The following ASTN2 variants were observed in gnomAD, a reference collection of about 807,000 sequenced individuals.
ASTN2 encodes astrotactin-2.
ASTN2 carries 54 observed loss-of-function variants against 139.8 expected under a neutral mutation model. The ratio of observed to expected loss-of-function variants is 0.39; its 90% confidence interval spans 0.31 to 0.48. ASTN2 has a LOEUF of 0.48. ASTN2 is among the 20% of genes least tolerant of loss of function. The pLI is 0.95. For synonymous variants in ASTN2, 756 were observed against 719.5 expected (o/e 1.05, Z -0.81); for missense variants, 1,565 against 1,725.1 (o/e 0.91, Z 1.64).
At chr9:117,249,591 A>G (rs1388572809) in intron 2 of ASTN2, among the ~76,000 whole-genome samples, 1 of 152,122 alleles carries the variant, frequency 6.6e-6, no homozygotes, top group Admixed American at 6.6e-5. Flanking sequence ...AAGGCCATGC[A>G]TGTGGTTCCT....
intron 1 of ASTN2, among the ~76,000 whole-genome samples, chr9:117,293,243 G>A (rs913528844): frequency 2.6e-5 from 4 of 152,060 alleles, no homozygotes; most frequent in African/African-American, 9.7e-5. Context: ...ATGGGACAAG[G>A]CGTCATGCTG....
intron 1 of ASTN2, among the ~76,000 whole-genome samples, chr9:117,303,963 T>G (rs1415046466): frequency 6.6e-6 from 1 of 152,168 alleles, no homozygotes; most frequent in East Asian, 1.9e-4. Context: ...GAGATTAGCT[T>G]GATGGAGGCA....
rs113546429 is a variant in ASTN2 at position 117,334,727 on chromosome 9, A to G, written c.443-43214T>C. 9.7e-3 allele frequency among the ~76,000 whole-genome samples: 1,474 copies of G among 152,000 alleles called. 27 individuals are homozygous for G. Among genetic ancestry groups the G allele is most frequent in the African/African-American group, 0.034 (1,400 of 41,452 alleles). On this transcript the variant is annotated intron_variant, in intron 1 of 22. Transcript: ENST00000313400. ...TTTTTCAAGTTTTAGCCCAATTACC[A>G]CTTCCTGGAAGTTTTCCTGATGATT...
Position 116,698,115 on chromosome 9 carries a change from G to C in ASTN2, c.2806+27656C>G. ...TTTGGTGTTATGTGAGCCCTGCCGG[G>C]AGGCAGACCATCAGCCTCCTGGCCA... On this transcript the variant is annotated intron_variant, in intron 16 of 22. Coordinates refer to ENST00000313400, the MANE Select transcript of ASTN2 (RefSeq NM_001365068.1). This position sits in a 1 kb window ranked among gnomAD's most constrained non-coding sequence, Gnocchi z 4.4. 2 of 1,614,118 alleles carry C rather than the reference G, an allele frequency of 1.2e-6. No homozygotes were observed. The highest frequency in any genetic ancestry group is 1.7e-6 in the Non-Finnish European group (2 of 1,180,044).
chr9:117,008,984 C>G (rs1837437746), intron 6 of ASTN2, among the ~76,000 whole-genome samples: 1 of 152,096 alleles, frequency 6.6e-6, no homozygotes, highest in Non-Finnish European at 1.5e-5. Flanking sequence ...AGGAAAAGAG[C>G]AGCACTCACC....
intron 19 of ASTN2, among the ~76,000 whole-genome samples, chr9:116,539,178 G>C (rs1316546644): frequency 6.6e-6 from 1 of 152,148 alleles, no homozygotes; most frequent in Non-Finnish European, 1.5e-5. Flanking sequence ...TGGTTGCATA[G>C]GGTTGAGGAA....
chr9:117,354,547 C>A (rs187905007), intron 1 of ASTN2, among the ~76,000 whole-genome samples: 62 of 152,338 alleles, frequency 4.1e-4, no homozygotes, highest in Admixed American at 1.6e-3. Context: ...CACCCATGCA[C>A]TGAGTAAGTA....
intron 16 of ASTN2, among the ~76,000 whole-genome samples, chr9:116,704,950 T>A (rs897146164): frequency 2.3e-4 from 35 of 152,002 alleles, no homozygotes; most frequent in Admixed American, 2.3e-3. Context: ...AGAGATGAAA[T>A]TTTTTTTAAA....
chr9:116,906,313 T>A (rs190849028), intron 10 of ASTN2, among the ~76,000 whole-genome samples: 22 of 152,284 alleles, frequency 1.4e-4, no homozygotes, highest in Non-Finnish European at 2.1e-4. Context: ...ACCTTTTTGT[T>A]CAATGTTAGG....
chr9:116,964,016 T>C (rs546127246), intron 10 of ASTN2, among the ~76,000 whole-genome samples: 18 of 152,238 alleles, frequency 1.2e-4, no homozygotes, highest in Non-Finnish European at 2.1e-4. Context: ...CTTGTTGCTT[T>C]TCTGGAACTT....
At chr9:117,183,671 A>G (rs1202292366) in intron 3 of ASTN2, among the ~76,000 whole-genome samples, 1 of 152,174 alleles carries the variant, frequency 6.6e-6, no homozygotes, top group Non-Finnish European at 1.5e-5. Context: ...CTCTAGAAAG[A>G]TATTAGTTCC....
In ASTN2 at chr9:117,039,925, C is replaced by T; in HGVS notation, c.1317G>A (p.Leu439=). 1 of 1,613,832 alleles carries T rather than the reference C, an allele frequency of 6.2e-7. No homozygotes were observed. Residue 439 remains leucine (L), a synonymous_variant, in exon 6 of 23, where the codon CTG becomes CTA. Transcript: ENST00000313400. ...KSPVNKTALT[L]IAVSSCILAM... ...CCAGGATGCAGGAACTCACAGCAAT[C>T]AGTGTCAGGGCTGTCTTGTTCACTG...
intron 19 of ASTN2, among the ~76,000 whole-genome samples, chr9:116,498,590 C>T (rs998599222): frequency 2.7e-5 from 4 of 149,464 alleles, no homozygotes; most frequent in African/African-American, 7.5e-5. Context: ...AGAGTGAGAC[C>T]CTACCTCAAA....
intron 6 of ASTN2, among the ~76,000 whole-genome samples, chr9:117,033,238 C>T (rs868766438): frequency 3.9e-5 from 6 of 152,116 alleles, no homozygotes; most frequent in African/African-American, 1.4e-4. Context: ...TTCTCTTCCC[C>T]TCTCTTCTAC....
intron 10 of ASTN2, among the ~76,000 whole-genome samples, chr9:116,961,041 T>C (rs1289604211): frequency 6.6e-6 from 1 of 151,976 alleles, no homozygotes; most frequent in Non-Finnish European, 1.5e-5. Context: ...AGAGGTGTAT[T>C]GTGGAGCCAT....
At chr9:117,288,278 A>C (rs2130778786) in intron 2 of ASTN2, among the ~76,000 whole-genome samples, 1 of 152,274 alleles carries the variant, frequency 6.6e-6, no homozygotes, top group Non-Finnish European at 1.5e-5. Context: ...CAAGCCTACA[A>C]AGCATGATGG....
chr9:117,091,748 A>G (rs1173973455), intron 5 of ASTN2, among the ~76,000 whole-genome samples: 1 of 152,260 alleles, frequency 6.6e-6, no homozygotes, highest in Non-Finnish European at 1.5e-5. Flanking sequence ...AAGATCACTC[A>G]GGATTGCAGG....
At chr9:117,333,580 A>G (rs1828784977) in intron 1 of ASTN2, among the ~76,000 whole-genome samples, 1 of 152,202 alleles carries the variant, frequency 6.6e-6, no homozygotes, top group Admixed American at 6.5e-5. Flanking sequence ...TATTTTAGAT[A>G]CTGGGCTTCC....
intron 10 of ASTN2, among the ~76,000 whole-genome samples, chr9:116,894,526 A>C (rs1473355566): frequency 6.6e-6 from 1 of 152,118 alleles, no homozygotes; most frequent in Non-Finnish European, 1.5e-5. Flanking sequence ...GTCTCACTCT[A>C]TCACCCAGGC....
Sources: gnomAD v4.1 joint callset for allele counts (sites outside exome capture counted in the v4.1 genomes callset) on GRCh38, gnomAD v4.1.1 for gene constraint, Gnocchi (gnomAD v3.1) non-coding constraint, MANE v1.5 for transcripts, NCBI Gene and HGNC (gene_info 2026-07-23, HGNC 2026-07-21) for gene names.